SLC24A2: variants seen among roughly 807,000 people sequenced by gnomAD.
SLC24A2 encodes solute carrier family 24 member 2.
Under a neutral mutation model 62.0 loss-of-function variants are expected in SLC24A2, and 36 were observed. The observed-to-expected ratio is 0.58, with a 90% CI of 0.44 to 0.77. The LOEUF (loss-of-function observed/expected upper bound fraction) is 0.77. Ranked by LOEUF, SLC24A2 falls within the 30% of genes least tolerant of loss-of-function variation. The pLI, the probability that SLC24A2 is intolerant of heterozygous loss-of-function variation, is 0.00. For missense variants in SLC24A2, 846 were observed against 817.9 expected (o/e 1.03, Z -0.42); for synonymous variants, 358 against 294.0 (o/e 1.22, Z -2.23).
intron 2 of SLC24A2, among the ~76,000 whole-genome samples, chr9:19,772,068 T>C (rs907930281): frequency 1.3e-5 from 2 of 152,050 alleles, no homozygotes; most frequent in Admixed American, 1.3e-4. Flanking sequence ...GGGCAAGAAG[T>C]AGGGAAGATT....
At chr9:19,592,777 T>A (rs1213441579) in intron 5 of SLC24A2, among the ~76,000 whole-genome samples, 2 of 152,162 alleles carry the variant, frequency 1.3e-5, no homozygotes, top group Non-Finnish European at 2.9e-5. Context: ...TGGTATGAAA[T>A]TTGGGTATCT....
the SLC24A2 span, among the ~76,000 whole-genome samples, chr9:19,850,829 T>C: frequency 6.7e-6 from 1 of 149,718 alleles, no homozygotes; most frequent in Non-Finnish European, 1.5e-5. Flanking sequence ...TTCCATTATG[T>C]GGATATGTCA....
the SLC24A2 span, among the ~76,000 whole-genome samples, chr9:20,130,054 A>G: frequency 1.3e-5 from 2 of 151,976 alleles, no homozygotes; most frequent in African/African-American, 4.8e-5. Flanking sequence ...TTCCCTTTGA[A>G]TCTAAAACTT....
the SLC24A2 span, among the ~76,000 whole-genome samples, chr9:19,965,013 C>T: frequency 9.2e-5 from 14 of 152,140 alleles, no homozygotes; most frequent in African/African-American, 3.1e-4. Context: ...GTAGAGACAA[C>T]AGCCTTATGG....
chr9:19,572,349 G>C (rs1170540998), intron 7 of SLC24A2, among the ~76,000 whole-genome samples: 1 of 151,182 alleles, frequency 6.6e-6, no homozygotes, highest in African/African-American at 2.4e-5. Context: ...GATATGGTTT[G>C]GCTCTGTGTC....
At chr9:19,817,856 A>C in the SLC24A2 span, among the ~76,000 whole-genome samples, 1 of 151,996 alleles carries the variant, frequency 6.6e-6, no homozygotes, top group South Asian at 2.1e-4. Flanking sequence ...CAGCCTACTG[A>C]GTGAGTAGCT....
chr9:20,232,721 G>A, the SLC24A2 span, among the ~76,000 whole-genome samples: 1 of 152,020 alleles, frequency 6.6e-6, no homozygotes, highest in Non-Finnish European at 1.5e-5. Context: ...AGGGTTTTTT[G>A]TGTCTCTATT....
intron 2 of SLC24A2, among the ~76,000 whole-genome samples, chr9:19,680,189 T>A (rs1819679960): frequency 6.6e-6 from 1 of 151,782 alleles, no homozygotes; most frequent in Non-Finnish European, 1.5e-5. Context: ...TAGGCCGAGG[T>A]CCCTGTGTGT....
At chr9:20,185,854 C>G in the SLC24A2 span, among the ~76,000 whole-genome samples, 2 of 151,934 alleles carry the variant, frequency 1.3e-5, no homozygotes, top group Non-Finnish European at 2.9e-5. Context: ...CAAAATGAAG[C>G]TTAATTGGAA....
chr9:19,850,996 TATATAC>T, the SLC24A2 span, among the ~76,000 whole-genome samples: 25 of 49,012 alleles, frequency 5.1e-4, 1 homozygote, highest in African/African-American at 1.7e-3. Context: ...TATATATATA[TATATAC>T]ACATACATAT....
chr9:20,299,725 G>A, the SLC24A2 span, among the ~76,000 whole-genome samples: 4 of 152,152 alleles, frequency 2.6e-5, no homozygotes, highest in Admixed American at 1.3e-4. Context: ...CACCTACTAG[G>A]CACTATGCTA....
At chr9:20,136,745 A>G in the SLC24A2 span, among the ~76,000 whole-genome samples, 1 of 152,176 alleles carries the variant, frequency 6.6e-6, no homozygotes, top group Non-Finnish European at 1.5e-5. Context: ...TCAGAAAAGT[A>G]GTGAAACAGA....
chr9:19,788,747 C>G (rs1479191476), intron 1 of SLC24A2, 138 bp downstream of exon 1: 2 of 985,298 alleles, frequency 2.0e-6, no homozygotes, highest in African/African-American at 1.7e-5. Context: ...TAACTCCTAG[C>G]GGGGCCTGGG....
rs1832811330 is a variant in SLC24A2 at position 19,513,542 on chromosome 9, A to G, written c.*2611T>C. 1 of 152,086 alleles carries G rather than the reference A, an allele frequency of 6.6e-6. No homozygotes were observed. Among genetic ancestry groups the G allele is most frequent in the African/African-American group, 2.4e-5 (1 of 41,422 alleles). 9.4% of individuals were successfully genotyped at this position (152,086 alleles called of 1,614,324 possible). A position where few individuals can be genotyped will look rare whatever the true frequency, so the allele number is the denominator to read the frequency against. Reference sequence around the variant, plus strand: ...GCAACTTCACATGAAAGACCACAACACTTCCTGTGAAGTGGAGCTCCGAGA... The same window carrying G: ...GCAACTTCACATGAAAGACCACAACGCTTCCTGTGAAGTGGAGCTCCGAGA... On this transcript the variant is annotated 3_prime_UTR_variant, in exon 11 of 11. Coordinates refer to ENST00000341998, the MANE Select transcript of SLC24A2 (RefSeq NM_020344.4).
At chr9:20,258,865 T>TATCCATCC in the SLC24A2 span, among the ~76,000 whole-genome samples, 1,939 of 134,696 alleles carry the variant, frequency 0.014, 18 homozygotes, top group East Asian at 0.026. Context: ...AATGTCTATC[T>TATCCATCC]ATCCATCCAT....
chr9:19,875,847 C>T, the SLC24A2 span, among the ~76,000 whole-genome samples: 2 of 152,130 alleles, frequency 1.3e-5, no homozygotes, highest in South Asian at 4.1e-4. Flanking sequence ...CTTCAGATTC[C>T]TTTCTCTGTT....
chr9:19,900,155 T>C, the SLC24A2 span, among the ~76,000 whole-genome samples: 1 of 152,182 alleles, frequency 6.6e-6, no homozygotes. Flanking sequence ...TAGAATGCAA[T>C]GGATTACAGG....
chr9:19,543,360 C>G (rs890301128), intron 8 of SLC24A2, among the ~76,000 whole-genome samples: 1 of 148,318 alleles, frequency 6.7e-6, no homozygotes, highest in Non-Finnish European at 1.5e-5. Flanking sequence ...ATTTTTTGAT[C>G]TTTTCAAGAA....
chr9:19,631,062 G>A (rs1818165874), intron 2 of SLC24A2, among the ~76,000 whole-genome samples: 1 of 152,022 alleles, frequency 6.6e-6, no homozygotes, highest in Non-Finnish European at 1.5e-5. Flanking sequence ...TGTATTATTT[G>A]TCTCATCTCT....
Sources: gnomAD v4.1 joint callset for allele counts (sites outside exome capture counted in the v4.1 genomes callset) on GRCh38, gnomAD v4.1.1 for gene constraint, MANE v1.5 for transcripts, NCBI Gene and HGNC (gene_info 2026-07-23, HGNC 2026-07-21) for gene names.